The following GALNT13 variants were observed in gnomAD, a reference collection of about 807,000 sequenced individuals.
GALNT13 encodes the protein polypeptide N-acetylgalactosaminyltransferase 13.
A neutral mutation model predicts 64.2 loss-of-function variants in GALNT13; 28 were observed. The ratio of observed to expected loss-of-function variants is 0.44; its 90% CI spans 0.32 to 0.60. GALNT13 has a LOEUF of 0.60. GALNT13 is among the 20% of genes least tolerant of loss of function. GALNT13 has a pLI of 0.05. For missense variants in GALNT13, 577 were observed against 669.8 expected (o/e 0.86, Z 1.53); for synonymous variants, 214 against 224.6 (o/e 0.95, Z 0.42).
chr2:154,451,638 G>A lies in GALNT13; in HGVS notation c.*1087G>A, dbSNP rs543976265. On this transcript the variant is annotated 3_prime_UTR_variant, in exon 13 of 13. Coordinates refer to ENST00000392825, the MANE Select transcript of GALNT13 (RefSeq NM_052917.4). ...TGTTGTAATTAAACTGCTATATATT[G>A]TTTGCCATATATTATGGCCCAAGGA... 7 of 151,980 alleles carry A rather than the reference G, an allele frequency of 4.6e-5. No homozygotes were observed. Among genetic ancestry groups the A allele is most frequent in the Non-Finnish European group, 7.4e-5 (5 of 67,962 alleles). The allele number at this position is 151,980 out of a possible 1,614,324, so 9.4% of individuals were successfully genotyped here.
chr2:153,414,764 TC>T, the GALNT13 span, among the ~76,000 whole-genome samples: 1 of 152,154 alleles, frequency 6.6e-6, no homozygotes, highest in Non-Finnish European at 1.5e-5. Flanking sequence ...ACCCTAGGAG[TC>T]CTTCTTAACT....
chr2:153,776,113 C>A, the GALNT13 span, among the ~76,000 whole-genome samples: 2 of 152,138 alleles, frequency 1.3e-5, no homozygotes, highest in South Asian at 2.1e-4. Flanking sequence ...TTCAAACACT[C>A]TTTTAACTCA....
chr2:154,218,291 G>T (rs1688149984), intron 4 of GALNT13, among the ~76,000 whole-genome samples: 1 of 152,044 alleles, frequency 6.6e-6, no homozygotes, highest in Non-Finnish European at 1.5e-5. Flanking sequence ...CTTTGACAGA[G>T]ATGTGACAGT....
intron 7 of GALNT13, among the ~76,000 whole-genome samples, chr2:154,253,938 A>G (rs1024987864): frequency 6.6e-6 from 1 of 152,204 alleles, no homozygotes; most frequent in Non-Finnish European, 1.5e-5. Context: ...ACACAAATAA[A>G]TATAATACTA....
intron 9 of GALNT13, among the ~76,000 whole-genome samples, chr2:154,309,945 C>T (rs1439386085): frequency 6.6e-6 from 1 of 152,186 alleles, no homozygotes. Context: ...CCCAACTTTC[C>T]AGTCTTTTCT....
At chr2:153,566,373 G>C in the GALNT13 span, among the ~76,000 whole-genome samples, 2 of 27,988 alleles carry the variant, frequency 7.1e-5, no homozygotes, top group Non-Finnish European at 1.4e-4. Context: ...TTTTTTTTTT[G>C]AGACGGAGTC....
intron 3 of GALNT13, among the ~76,000 whole-genome samples, chr2:154,045,679 A>T (rs1699240677): frequency 6.6e-6 from 1 of 152,184 alleles, no homozygotes; most frequent in African/African-American, 2.4e-5. Context: ...CAGCCCCTAA[A>T]TTCTAGAGAA....
intron 2 of GALNT13, among the ~76,000 whole-genome samples, chr2:153,936,186 A>G (rs567825920): frequency 2.0e-5 from 3 of 152,374 alleles, no homozygotes; most frequent in Admixed American, 1.3e-4. Context: ...AAATACAACA[A>G]TAAAATCACA....
chr2:153,640,924 A>AT, the GALNT13 span, among the ~76,000 whole-genome samples: 327 of 150,894 alleles, frequency 2.2e-3, 2 homozygotes, highest in African/African-American at 7.1e-3. Flanking sequence ...ATAAAATAGA[A>AT]TTTTTTTTTT....
Position 154,225,931 on chromosome 2 carries a change from G to A in GALNT13, c.312-16099G>A, listed in dbSNP as rs1313324625. Among the ~76,000 whole-genome samples, 3 of 152,180 alleles carry A rather than the reference G, an allele frequency of 2.0e-5. No homozygotes were observed. The East Asian group carries it at 5.8e-4, about 29-fold the overall frequency. On this transcript the variant is annotated intron_variant, in intron 4 of 12. Coordinates refer to ENST00000392825, the MANE Select transcript of GALNT13 (RefSeq NM_052917.4). The stretch of plus-strand genomic sequence containing the variant: ...TGTGGGGCAGGACCCTCTCCAGAAT[G>A]GGGATCTTATGATCTGTAGTTAAAC...
At chr2:154,013,151 C>T (rs952653184) in intron 3 of GALNT13, among the ~76,000 whole-genome samples, 1 of 150,456 alleles carries the variant, frequency 6.6e-6, no homozygotes, top group Non-Finnish European at 1.5e-5. Flanking sequence ...AGTTTTTATG[C>T]TGTTTGTTTC....
chr2:153,490,601 T>C, the GALNT13 span, among the ~76,000 whole-genome samples: 1 of 152,152 alleles, frequency 6.6e-6, no homozygotes, highest in African/African-American at 2.4e-5. Context: ...TTTACAAATG[T>C]TGCCTCAACC....
the GALNT13 span, among the ~76,000 whole-genome samples, chr2:153,808,394 T>G: frequency 3.9e-5 from 6 of 152,130 alleles, no homozygotes; most frequent in African/African-American, 7.2e-5. Context: ...TCAGCCCATT[T>G]TTTCTTTCTA....
the GALNT13 span, among the ~76,000 whole-genome samples, chr2:153,090,511 C>T: frequency 6.6e-6 from 1 of 152,230 alleles, no homozygotes; most frequent in Non-Finnish European, 1.5e-5. Flanking sequence ...TAGGTGTTGT[C>T]TTCTCCTTCC....
chr2:153,678,493 CAAAG>C, the GALNT13 span, among the ~76,000 whole-genome samples: 1 of 151,852 alleles, frequency 6.6e-6, no homozygotes, highest in Non-Finnish European at 1.5e-5. Flanking sequence ...CACACGGACA[CAAAG>C]AAGGAAACAA....
At chr2:153,153,984 G>A in the GALNT13 span, among the ~76,000 whole-genome samples, 1 of 151,930 alleles carries the variant, frequency 6.6e-6, no homozygotes, top group Admixed American at 6.6e-5. Flanking sequence ...AAATTGCTTT[G>A]AGCAGTATGG....
At chr2:153,263,330 T>A in the GALNT13 span, among the ~76,000 whole-genome samples, 1 of 152,240 alleles carries the variant, frequency 6.6e-6, no homozygotes, top group South Asian at 2.1e-4. Flanking sequence ...TCCATGCTTA[T>A]GGATAGGAAG....
chr2:154,244,011 G>A (rs1433202058), intron 6 of GALNT13, among the ~76,000 whole-genome samples: 1 of 152,086 alleles, frequency 6.6e-6, no homozygotes, highest in African/African-American at 2.4e-5. Context: ...TCCACTCTGT[G>A]TATTGTACAG....
chr2:153,167,032 A>T, the GALNT13 span, among the ~76,000 whole-genome samples: 1 of 152,246 alleles, frequency 6.6e-6, no homozygotes, highest in East Asian at 1.9e-4. Flanking sequence ...AACCCAGATA[A>T]GCTGTGCCTA....
Sources: allele counts gnomAD v4.1 joint callset (sites outside exome capture counted in the v4.1 genomes callset), GRCh38; gene constraint gnomAD v4.1.1; transcripts MANE v1.5; gene names NCBI Gene and HGNC (gene_info 2026-07-23, HGNC 2026-07-21).